CDCA8: variants seen among roughly 807,000 people sequenced by gnomAD.
CDCA8 encodes borealin.
Under a neutral mutation model 40.0 loss-of-function variants are expected in CDCA8, and 25 were observed. That is an observed-to-expected ratio of 0.63 (90% CI 0.46 to 0.87). CDCA8 has a LOEUF of 0.87. Ranked by LOEUF, CDCA8 falls within the 40% of genes least tolerant of loss-of-function variation. The pLI is 0.00. For synonymous variants in CDCA8, 111 were observed against 126.5 expected (o/e 0.88, Z 0.82); for missense variants, 280 against 348.4 (o/e 0.80, Z 1.56).
intron 8 of CDCA8, among the ~76,000 whole-genome samples, chr1:37,706,284 T>A (rs1233338075): frequency 6.6e-6 from 1 of 151,778 alleles, no homozygotes; most frequent in African/African-American, 2.4e-5. Flanking sequence ...ATTTTTGTAT[T>A]TTTAGTAGAG....
chr1:37,708,355 A>G lies in CDCA8; in HGVS notation c.832A>G (p.Thr278Ala). ...CGCCCAAATCTGCAGCAGCATACGG[A>G]CCCACAAATGAGACACCAAAGTTGA... Reference protein sequence around the residue: ...RLAQICSSIRTHK With the variant: ...RLAQICSSIRAHK The change falls in exon 10 of 10, where the codon ACC (threonine) becomes GCC (alanine). Residue 278 changes from threonine (T) to alanine (A), a missense_variant. Transcript: ENST00000373055. 1 of 1,614,108 alleles carries G rather than the reference A, an allele frequency of 6.2e-7. No homozygotes were observed. The highest frequency in any genetic ancestry group is 8.5e-7 in the Non-Finnish European group (1 of 1,180,004).
chr1:37,705,190 G>C (rs936023612), intron 7 of CDCA8, among the ~76,000 whole-genome samples: 1 of 152,192 alleles, frequency 6.6e-6, no homozygotes, highest in Non-Finnish European at 1.5e-5. Context: ...TGGAGCTTTG[G>C]ACCTAAACTT....
In CDCA8 at chr1:37,708,613, TC is replaced by T; in HGVS notation, c.*250del. The T allele has an allele frequency of 1.8e-6, 1 of 544,640 alleles. No homozygotes were observed. Among genetic ancestry groups the T allele is most frequent in the East Asian group, 3.2e-5 (1 of 31,626 alleles). 33.7% of individuals were successfully genotyped at this position (544,640 alleles called of 1,614,324 possible). On this transcript the variant is annotated 3_prime_UTR_variant, in exon 10 of 10. Coordinates refer to ENST00000373055, the MANE Select transcript of CDCA8 (RefSeq NM_001256875.2). The stretch of plus-strand genomic sequence containing the variant: ...ATGCCATGGAAGCTTCCCATCAGTC[TC>T]CCAGCTGAATCCTCCCTGCTCTCTG...
chr1:37,692,778 C>A lies in CDCA8; in HGVS notation c.88C>A (p.Arg30Ser), dbSNP rs1645478356. The A allele has an allele frequency of 6.2e-7, 1 of 1,613,626 alleles. No individual in the cohort carries two copies. The highest frequency in any genetic ancestry group is 1.3e-5 in the African/African-American group (1 of 75,050). Residue 30 changes from arginine (R) to serine (S), a missense_variant, in exon 1 of 10, where the codon CGT (arginine) becomes AGT (serine). Arg to Ser is a moderately radical substitution (Grantham distance 110). Coordinates refer to ENST00000373055, the MANE Select transcript of CDCA8 (RefSeq NM_001256875.2). ...CGCCTCCTTTCTGAAAGACTTCGACCGTGAAGGTAAGGGGCCAGGCCGTCG... is the reference window on the plus strand; with the variant it reads ...CGCCTCCTTTCTGAAAGACTTCGACAGTGAAGGTAAGGGGCCAGGCCGTCG... ...KLASFLKDFD[R>S]EVEIRIKQIE...
intron 6 of CDCA8, 23 bp from the exon 7 acceptor site, chr1:37,703,229 T>C: frequency 6.3e-7 from 1 of 1,580,670 alleles, no homozygotes; most frequent in Non-Finnish European, 8.7e-7. Context: ...TTGGCATACC[T>C]GATGGCCATT....
chr1:37,706,985 G>A lies in CDCA8; in HGVS notation c.719G>A (p.Arg240Gln), dbSNP rs187658080. The A allele has an allele frequency of 2.9e-5, 47 of 1,614,084 alleles. No homozygotes were observed. Among genetic ancestry groups the A allele is most frequent in the African/African-American group, 1.6e-4 (12 of 75,054 alleles). Residue 240 changes from arginine (R) to glutamine (Q), a missense_variant, in exon 9 of 10, where the codon CGA becomes CAA. Coordinates refer to ENST00000373055, the MANE Select transcript of CDCA8 (RefSeq NM_001256875.2). ...ACTCCCCTTTCTATTCAGAGCCTGC[G>A]ATTATTGGCCAGTGACTTGCAGAGG... ...TVPVGGGESL[R>Q]LLASDLQRHS... is the part of the protein sequence containing the mutation.
Position 37,692,789 on chromosome 1 carries a change from G to C in CDCA8, c.94+5G>C. The C allele has an allele frequency of 6.2e-7, 1 of 1,613,208 alleles. No homozygotes were observed. The highest frequency in any genetic ancestry group is 8.5e-7 in the Non-Finnish European group (1 of 1,179,448). ...TGAAAGACTTCGACCGTGAAGGTAA[G>C]GGGCCAGGCCGTCGCGGCCTCCTGG... On this transcript the variant is annotated splice_donor_5th_base_variant and intron_variant, in intron 1 of 9. Transcript: ENST00000373055.
intron 3 of CDCA8, 116 bp from the exon 4 acceptor site, chr1:37,698,785 CACTA>C: frequency 3.0e-6 from 2 of 677,088 alleles, no homozygotes; most frequent in East Asian, 5.5e-5. Context: ...TATATTGTAT[CACTA>C]ACATTTAACA....
intron 9 of CDCA8, 127 bp downstream of exon 9, chr1:37,707,191 C>G: frequency 1.5e-6 from 1 of 680,380 alleles, no homozygotes; most frequent in African/African-American, 1.8e-5. Flanking sequence ...CTTCCTTCCC[C>G]CAAGAGATTT....
chr1:37,707,454 C>G (rs1320023100), intron 9 of CDCA8, among the ~76,000 whole-genome samples: 1 of 152,212 alleles, frequency 6.6e-6, no homozygotes, highest in Non-Finnish European at 1.5e-5. Context: ...ACGGCCAAGC[C>G]TCTGGAGTGG....
Position 37,709,706 on chromosome 1 carries a change from G to A in CDCA8, c.*1340G>A, listed in dbSNP as rs1645626312. ...TACTTTCAATAAATTCTGGTTTTGT[G>A]TTTTCTTTTGTAATCACTGTTCATC... On this transcript the variant is annotated 3_prime_UTR_variant, in exon 10 of 10. Coordinates refer to ENST00000373055, the MANE Select transcript of CDCA8 (RefSeq NM_001256875.2). 1 of 152,128 alleles carries A rather than the reference G, an allele frequency of 6.6e-6. No homozygotes were observed. The highest frequency in any genetic ancestry group is 2.4e-5 in the African/African-American group (1 of 41,432). The allele number at this position is 152,128 out of a possible 1,614,324, so 9.4% of individuals were successfully genotyped here. A position where few individuals can be genotyped will look rare whatever the true frequency, so the allele number is the denominator to read the frequency against.
chr1:37,708,260 G>A (rs1417610530), intron 9 of CDCA8, 62 bp from the exon 10 acceptor site: 3 of 1,486,832 alleles, frequency 2.0e-6, no homozygotes, highest in Non-Finnish European at 1.9e-6. Context: ...GACTGTGGGA[G>A]GCCAAGGGGC....
At position 37,708,774 on chromosome 1, in the gene CDCA8, G is replaced by A; in HGVS notation, c.*408G>A. On this transcript the variant is annotated 3_prime_UTR_variant, in exon 10 of 10. Coordinates refer to ENST00000373055, the MANE Select transcript of CDCA8 (RefSeq NM_001256875.2). Reference sequence around the variant, plus strand: ...CGCTACCCAGAGAACCTCTGCATCTGGCATTTCTGCTCTCTATGCTTGAGA... The same window carrying A: ...CGCTACCCAGAGAACCTCTGCATCTAGCATTTCTGCTCTCTATGCTTGAGA... The A allele has an allele frequency of 3.6e-6, 1 of 274,832 alleles. No homozygotes were observed. The highest frequency in any genetic ancestry group is 7.2e-6 in the Non-Finnish European group (1 of 138,866). 17.0% of individuals were successfully genotyped at this position (274,832 alleles called of 1,614,324 possible).
intron 4 of CDCA8, among the ~76,000 whole-genome samples, chr1:37,699,283 T>C (rs1645546709): frequency 6.6e-6 from 1 of 152,106 alleles, no homozygotes; most frequent in Non-Finnish European, 1.5e-5. Context: ...AAACCAAACA[T>C]TGTTGCCTGC....
chr1:37,702,048 T>G (rs1052571568), intron 6 of CDCA8, among the ~76,000 whole-genome samples: 9 of 150,672 alleles, frequency 6.0e-5, no homozygotes, highest in Admixed American at 1.3e-4. Flanking sequence ...TTTTTTTTTT[T>G]TTTTTTTTTG....
chr1:37,705,423 GA>G lies in CDCA8; in HGVS notation c.585-17del. ...ATCCAATTGCCAAGCTATCTTCACA[GA>G]GATTTTCCCATTCTAGGGTCTTCAA... On this transcript the variant is annotated splice_polypyrimidine_tract_variant and intron_variant, in intron 7 of 9. Coordinates refer to ENST00000373055, the MANE Select transcript of CDCA8 (RefSeq NM_001256875.2). The G allele has an allele frequency of 6.2e-7, 1 of 1,610,294 alleles. No homozygotes were observed. Among genetic ancestry groups the G allele is most frequent in the South Asian group, 1.1e-5 (1 of 90,972 alleles).
chr1:37,698,817 A>G (rs1248289981), intron 3 of CDCA8, 88 bp from the exon 4 acceptor site: 5 of 844,994 alleles, frequency 5.9e-6, no homozygotes, highest in Non-Finnish European at 1.0e-5. Flanking sequence ...GTATTAAATA[A>G]TAGTTTTAAA....
chr1:37,704,108 G>GT (rs981009396), intron 7 of CDCA8, among the ~76,000 whole-genome samples: 8 of 151,812 alleles, frequency 5.3e-5, no homozygotes, highest in African/African-American at 1.4e-4. Context: ...CTAATTTTTT[G>GT]TTTTTTTGTA....
At chr1:37,699,727 G>A (rs1281124456) in intron 4 of CDCA8, among the ~76,000 whole-genome samples, 1 of 152,176 alleles carries the variant, frequency 6.6e-6, no homozygotes, top group African/African-American at 2.4e-5. Flanking sequence ...AGACCATCCT[G>A]GCTAATACGG....
Sources: allele counts gnomAD v4.1 joint callset (sites outside exome capture counted in the v4.1 genomes callset), GRCh38; gene constraint gnomAD v4.1.1; transcripts MANE v1.5; gene names NCBI Gene and HGNC (gene_info 2026-07-23, HGNC 2026-07-21).